CMSS1: variants seen among roughly 807,000 people sequenced by gnomAD.
CMSS1 encodes protein CMSS1.
CMSS1 carries 33 observed loss-of-function variants against 43.5 expected under a neutral mutation model. The observed-to-expected ratio is 0.76, with a 90% CI of 0.57 to 1.01. CMSS1 has a LOEUF of 1.01. Ranked by LOEUF, CMSS1 falls within the 50% of genes least tolerant of loss-of-function variation. CMSS1 has a pLI of 0.00. For synonymous variants in CMSS1, 115 were observed against 117.2 expected, an observed-to-expected ratio of 0.98 and a Z score of 0.12; for missense variants, 313 against 326.4, an observed-to-expected ratio of 0.96 and a Z score of 0.32.
At chr3:100,014,527 C>G (rs1710261631) in intron 1 of CMSS1, among the ~76,000 whole-genome samples, 1 of 152,100 alleles carries the variant, frequency 6.6e-6, no homozygotes. Context: ...TTGATAATAA[C>G]CATTCTAACA....
intron 1 of CMSS1, among the ~76,000 whole-genome samples, chr3:99,946,475 GTT>G (rs747002088): frequency 1.1e-4 from 16 of 152,194 alleles, no homozygotes; most frequent in Admixed American, 2.6e-4. Flanking sequence ...TTTTGGTAGT[GTT>G]TTCTGACACA....
chr3:99,919,463 T>G (rs1026972076), intron 1 of CMSS1, among the ~76,000 whole-genome samples: 2 of 150,408 alleles, frequency 1.3e-5, no homozygotes, highest in Admixed American at 1.3e-4. Flanking sequence ...TTTAATCAAT[T>G]ATTGTTTTTG....
intron 1 of CMSS1, among the ~76,000 whole-genome samples, chr3:99,888,216 C>T (rs1325667729): frequency 6.6e-6 from 1 of 152,020 alleles, no homozygotes; most frequent in Non-Finnish European, 1.5e-5. Flanking sequence ...ATTAGAATAG[C>T]TGTCAGAGGG....
intron 1 of CMSS1, among the ~76,000 whole-genome samples, chr3:99,983,464 G>GTGTATA (rs1491438114): frequency 2.4e-4 from 3 of 12,686 alleles, no homozygotes; most frequent in Admixed American, 1.5e-3. Flanking sequence ...ATATATGTGT[G>GTGTATA]TATATATATA....
intron 8 of CMSS1, among the ~76,000 whole-genome samples, chr3:100,175,342 G>C (rs1243522376): frequency 6.6e-6 from 1 of 152,178 alleles, no homozygotes; most frequent in African/African-American, 2.4e-5. Flanking sequence ...GAGATGGGCA[G>C]ATCACTTGAG....
At chr3:100,137,604 CCAGGCT>C (rs918245256) in intron 1 of CMSS1, among the ~76,000 whole-genome samples, 24 of 151,452 alleles carry the variant, frequency 1.6e-4, no homozygotes, top group Non-Finnish European at 4.4e-5. Context: ...GCTTTGTCGC[CCAGGCT>C]GGAGTGCAGT....
At chr3:100,035,733 T>C (rs115708349) in intron 1 of CMSS1, among the ~76,000 whole-genome samples, 397 of 152,300 alleles carry the variant, frequency 2.6e-3, no homozygotes, top group African/African-American at 8.4e-3. Context: ...TTTATTGTAA[T>C]AGAAAAATTC....
intron 1 of CMSS1, among the ~76,000 whole-genome samples, chr3:100,031,891 A>G (rs1307819987): frequency 6.6e-6 from 1 of 152,240 alleles, no homozygotes; most frequent in East Asian, 1.9e-4. Flanking sequence ...AAAATCAGCC[A>G]AAGACAATAC....
At position 99,879,684 on chromosome 3, in the gene CMSS1, C is replaced by T. The variant is rs1705654845; in HGVS notation, c.64+61641C>T. 1.3e-5 allele frequency among the ~76,000 whole-genome samples: 2 copies of T among 152,276 alleles called. 1 individual carries two copies. Among genetic ancestry groups the T allele is most frequent in the South Asian group, 4.1e-4 (2 of 4,822 alleles). On this transcript the variant is annotated intron_variant, in intron 1 of 9. Transcript: ENST00000421999. The stretch of plus-strand genomic sequence containing the variant: ...TTAAGCAGTTGGTACGCTCTGCTCC[C>T]TAGGAGCTCTGCTTTGAGCTATGAG...
intron 1 of CMSS1, among the ~76,000 whole-genome samples, chr3:99,976,653 G>A (rs1229073509): frequency 1.3e-5 from 2 of 151,840 alleles, no homozygotes; most frequent in Non-Finnish European, 2.9e-5. Flanking sequence ...TTTTTAAACT[G>A]TTTACCTTCA....
intron 1 of CMSS1, among the ~76,000 whole-genome samples, chr3:99,888,867 C>A (rs1256326123): frequency 2.6e-5 from 4 of 152,102 alleles, no homozygotes; most frequent in South Asian, 2.1e-4. Context: ...TCTTATTGGG[C>A]TTTCATCTCT....
intron 1 of CMSS1, among the ~76,000 whole-genome samples, chr3:99,860,978 A>G (rs1385710972): frequency 1.3e-5 from 2 of 152,180 alleles, no homozygotes; most frequent in Non-Finnish European, 2.9e-5. Context: ...GATGACATCT[A>G]TCAAGAAGGA....
At chr3:99,834,657 G>C (rs772996827) in intron 1 of CMSS1, among the ~76,000 whole-genome samples, 8 of 151,084 alleles carry the variant, frequency 5.3e-5, no homozygotes, top group Non-Finnish European at 1.2e-4. Context: ...TTCTTTTTTT[G>C]TACCCTTTCC....
At chr3:100,049,921 G>A (rs2065341609) in intron 1 of CMSS1, among the ~76,000 whole-genome samples, 1 of 152,138 alleles carries the variant, frequency 6.6e-6, no homozygotes. Context: ...GGAGTCAAAA[G>A]TTATATGCGA....
intron 1 of CMSS1, among the ~76,000 whole-genome samples, chr3:99,855,958 G>A (rs1943941374): frequency 6.6e-6 from 1 of 152,186 alleles, no homozygotes; most frequent in Non-Finnish European, 1.5e-5. Context: ...AACGAAATCT[G>A]TAAATACATA....
chr3:100,078,656 C>T (rs1432119510), intron 1 of CMSS1, among the ~76,000 whole-genome samples: 1 of 151,954 alleles, frequency 6.6e-6, no homozygotes, highest in East Asian at 1.9e-4. Context: ...TTTGGGAGGC[C>T]GAGGCAGGCA....
intron 1 of CMSS1, among the ~76,000 whole-genome samples, chr3:100,001,828 G>A (rs921710921): frequency 1.3e-4 from 20 of 152,216 alleles, no homozygotes; most frequent in African/African-American, 2.4e-5. Flanking sequence ...AGGGATGGGT[G>A]TCTTGTTGAA....
intron 1 of CMSS1, among the ~76,000 whole-genome samples, chr3:100,025,113 C>G (rs139181471): frequency 6.6e-6 from 1 of 152,216 alleles, no homozygotes; most frequent in East Asian, 1.9e-4. Context: ...GGGAGTTAAT[C>G]GAGGCCGTAA....
chr3:99,945,074 A>G (rs1011908007), intron 1 of CMSS1, among the ~76,000 whole-genome samples: 4 of 152,192 alleles, frequency 2.6e-5, no homozygotes, highest in Admixed American at 1.3e-4. Context: ...ATCAAAAAGC[A>G]TCAAGGAAAA....
Sources: gnomAD v4.1 joint callset for allele counts (sites outside exome capture counted in the v4.1 genomes callset) on GRCh38, gnomAD v4.1.1 for gene constraint, MANE v1.5 for transcripts, NCBI Gene and HGNC (gene_info 2026-07-23, HGNC 2026-07-21) for gene names.